PHF24: variants seen among roughly 807,000 people sequenced by gnomAD.
PHF24 encodes the protein Galpha inhibitory interacting protein.
Under a neutral mutation model 42.6 loss-of-function variants are expected in PHF24, and 25 were observed. The ratio of observed to expected loss-of-function variants is 0.59; its 90% CI spans 0.43 to 0.82. The LOEUF (loss-of-function observed/expected upper bound fraction) is 0.82. PHF24 is among the 40% of genes least tolerant of loss of function. The pLI, the probability that PHF24 is intolerant of heterozygous loss-of-function variation, is 0.00. For synonymous variants in PHF24, 185 were observed against 204.8 expected, an observed-to-expected ratio of 0.90 and a Z score of 0.83; for missense variants, 470 against 538.1, an observed-to-expected ratio of 0.87 and a Z score of 1.25.
At chr9:34,843,271 T>G in the PHF24 span, among the ~76,000 whole-genome samples, 15 of 152,344 alleles carry the variant, frequency 9.8e-5, no homozygotes, top group African/African-American at 3.6e-4. Flanking sequence ...ACTTTGAACC[T>G]TATGGTTTGT....
At chr9:34,811,913 C>G in the PHF24 span, among the ~76,000 whole-genome samples, 1 of 151,988 alleles carries the variant, frequency 6.6e-6, no homozygotes. Context: ...GGATTAATAT[C>G]CAGTATATAT....
At chr9:34,755,750 A>G in the PHF24 span, among the ~76,000 whole-genome samples, 1 of 152,132 alleles carries the variant, frequency 6.6e-6, no homozygotes, top group Non-Finnish European at 1.5e-5. Context: ...GACTCAAGCA[A>G]TCTTCCTGCC....
chr9:34,728,919 A>C, the PHF24 span, among the ~76,000 whole-genome samples: 3 of 152,200 alleles, frequency 2.0e-5, no homozygotes, highest in Non-Finnish European at 4.4e-5. Context: ...TGAGGATGAC[A>C]CAGGAGGAAA....
At chr9:34,739,001 C>G in the PHF24 span, among the ~76,000 whole-genome samples, 2 of 152,112 alleles carry the variant, frequency 1.3e-5, no homozygotes, top group Admixed American at 1.3e-4. Flanking sequence ...TGTTTCCGAG[C>G]CAGAACACTT....
chr9:34,927,038 T>C, the PHF24 span, among the ~76,000 whole-genome samples: 1 of 152,106 alleles, frequency 6.6e-6, no homozygotes, highest in Non-Finnish European at 1.5e-5. Context: ...GTCCTGAGCA[T>C]GGGAGCATAG....
At chr9:34,716,659 A>G in the PHF24 span, among the ~76,000 whole-genome samples, 2 of 152,054 alleles carry the variant, frequency 1.3e-5, no homozygotes, top group African/African-American at 2.4e-5. Flanking sequence ...GTGCAATCTC[A>G]GTTCACAGCA....
the PHF24 span, among the ~76,000 whole-genome samples, chr9:34,828,006 G>A: frequency 2.0e-5 from 3 of 151,476 alleles, no homozygotes; most frequent in African/African-American, 7.3e-5. Flanking sequence ...ACCTTTCCCT[G>A]CCCACCTACA....
At chr9:34,881,410 A>G in the PHF24 span, among the ~76,000 whole-genome samples, 28,172 of 152,036 alleles carry the variant, frequency 0.19, 2,885 homozygotes, top group South Asian at 0.29. Flanking sequence ...AAAAAAATCA[A>G]TGAATCCAGG....
chr9:34,756,509 A>T, the PHF24 span, among the ~76,000 whole-genome samples: 1 of 152,084 alleles, frequency 6.6e-6, no homozygotes, highest in East Asian at 1.9e-4. Context: ...TTTTGTTGAA[A>T]ATCAGTTGGC....
rs1193634521 is a variant in PHF24 at position 34,976,134 on chromosome 9, G to C, written c.565-18G>C. The stretch of plus-strand genomic sequence containing the variant: ...ACTGGCCTGTATGGCCACCGACTCA[G>C]CTCTTCCTTATTTTCAGGACAACAT... On this transcript the variant is annotated intron_variant, in intron 3 of 7. Coordinates refer to ENST00000242315, the Ensembl canonical transcript of PHF24. 3 of 1,604,450 alleles carry C rather than the reference G, an allele frequency of 1.9e-6. No homozygotes were observed. Among genetic ancestry groups the C allele is most frequent in the Non-Finnish European group, 1.7e-6 (2 of 1,171,268 alleles).
the PHF24 span, among the ~76,000 whole-genome samples, chr9:34,937,969 G>A: frequency 6.6e-6 from 1 of 152,176 alleles, no homozygotes; most frequent in Admixed American, 6.5e-5. Context: ...TCAGAGTGTT[G>A]AAGGAACAGT....
chr9:34,851,511 T>G, the PHF24 span, among the ~76,000 whole-genome samples: 1 of 152,192 alleles, frequency 6.6e-6, no homozygotes, highest in Non-Finnish European at 1.5e-5. Flanking sequence ...TGTCACCCCT[T>G]TCTTTGACTA....
chr9:34,797,553 T>C, the PHF24 span, among the ~76,000 whole-genome samples: 1 of 152,166 alleles, frequency 6.6e-6, no homozygotes, highest in South Asian at 2.1e-4. Context: ...CAGGCCAAAC[T>C]CTGCCTTATT....
At chr9:34,697,736 T>C in the PHF24 span, among the ~76,000 whole-genome samples, 1 of 152,214 alleles carries the variant, frequency 6.6e-6, no homozygotes, top group East Asian at 1.9e-4. Context: ...ATTACCTATT[T>C]TGTACACCTC....
At chr9:34,889,868 G>T in the PHF24 span, among the ~76,000 whole-genome samples, 2 of 152,148 alleles carry the variant, frequency 1.3e-5, no homozygotes, top group South Asian at 4.1e-4. Context: ...GGCCCTTTAA[G>T]CTCTGGGCAC....
the PHF24 span, among the ~76,000 whole-genome samples, chr9:34,739,054 TG>T: frequency 6.6e-6 from 1 of 152,258 alleles, no homozygotes; most frequent in East Asian, 1.9e-4. Context: ...ACCATGATTC[TG>T]GGTTTTAGCT....
chr9:34,880,040 A>G, the PHF24 span, among the ~76,000 whole-genome samples: 1 of 152,238 alleles, frequency 6.6e-6, no homozygotes, highest in African/African-American at 2.4e-5. Flanking sequence ...AGTGGGGGCC[A>G]ATATTCAACA....
chr9:34,744,032 G>A, the PHF24 span, among the ~76,000 whole-genome samples: 13 of 152,192 alleles, frequency 8.5e-5, no homozygotes, highest in African/African-American at 3.1e-4. Flanking sequence ...ATCCTTTCAT[G>A]AGGGCTCTGC....
the PHF24 span, among the ~76,000 whole-genome samples, chr9:34,691,638 C>T: frequency 6.6e-6 from 1 of 152,196 alleles, no homozygotes; most frequent in Non-Finnish European, 1.5e-5. Flanking sequence ...TTAGGTTTAT[C>T]CCTTGTCCTC....
Sources: allele counts gnomAD v4.1 joint callset (sites outside exome capture counted in the v4.1 genomes callset), GRCh38; gene constraint gnomAD v4.1.1; transcripts MANE v1.5; gene names NCBI Gene and HGNC (gene_info 2026-07-23, HGNC 2026-07-21).